Variants in MGAT5B observed in about 807,000 individuals in gnomAD.
The protein encoded by MGAT5B is N-acetylglucosaminyl-transferase Vb.
Under a neutral mutation model 95.1 loss-of-function variants are expected in MGAT5B, and 54 were observed. That is an observed-to-expected ratio of 0.57 (90% confidence interval 0.46 to 0.71). The LOEUF (loss-of-function observed/expected upper bound fraction) is 0.71. Ranked by LOEUF, MGAT5B falls within the 30% of genes least tolerant of loss-of-function variation. The pLI, the probability that MGAT5B is intolerant of heterozygous loss-of-function variation, is 0.00. For synonymous variants in MGAT5B, 464 were observed against 451.0 expected, an observed-to-expected ratio of 1.03 and a Z score of -0.36; for missense variants, 935 against 1,088.6, an observed-to-expected ratio of 0.86 and a Z score of 1.99.
chr17:76,927,486 C>G (rs1969349807), intron 10 of MGAT5B, among the ~76,000 whole-genome samples: 1 of 152,188 alleles, frequency 6.6e-6, no homozygotes, highest in African/African-American at 2.4e-5. Context: ...GCGATCCACC[C>G]ACGTAGGCCT....
At chr17:76,936,692 G>A (rs759730967) in intron 12 of MGAT5B, among the ~76,000 whole-genome samples, 3 of 151,862 alleles carry the variant, frequency 2.0e-5, no homozygotes, top group Non-Finnish European at 2.9e-5. Flanking sequence ...ATTTACTGAT[G>A]AAACCATCCT....
chr17:76,915,549 G>A lies in MGAT5B; in HGVS notation c.1025+9362G>A, dbSNP rs990465647. On this transcript the variant is annotated intron_variant, in intron 8 of 17. Transcript: ENST00000569840. The surrounding 1 kb of genome is among the most constrained non-coding windows in gnomAD (Gnocchi z 8.7). ...GGATTCGAACCAAATATGGCAAAAT[G>A]TTAAGGCTTGATGAGGCTGGGAAGT... 2.0e-5 allele frequency among the ~76,000 whole-genome samples: 3 copies of A among 152,160 alleles called. No individual in the cohort carries two copies. Among genetic ancestry groups the A allele is most frequent in the Admixed American group, 6.5e-5 (1 of 15,280 alleles).
intron 8 of MGAT5B, among the ~76,000 whole-genome samples, chr17:76,920,130 C>T (rs568680515): frequency 1.3e-3 from 194 of 152,304 alleles, no homozygotes; most frequent in Non-Finnish European, 2.3e-3. Context: ...CAAACTTCCC[C>T]GTCCTTCCCA....
At chr17:76,893,254 G>C (rs1447895285) in intron 3 of MGAT5B, among the ~76,000 whole-genome samples, 1 of 152,074 alleles carries the variant, frequency 6.6e-6, no homozygotes, top group Non-Finnish European at 1.5e-5. Flanking sequence ...CCTGCGTTTG[G>C]TTCATCTGCG....
chr17:76,900,892 T>C (rs1463865882), intron 3 of MGAT5B, among the ~76,000 whole-genome samples: 1 of 149,998 alleles, frequency 6.7e-6, no homozygotes, highest in Non-Finnish European at 1.5e-5. Context: ...TGTGTGCATG[T>C]GTGTGCATGT....
At chr17:76,882,381 CT>C (rs1967461130) in intron 3 of MGAT5B, 83 bp downstream of exon 3, 1 of 1,464,744 alleles carries the variant, frequency 6.8e-7, no homozygotes. Context: ...CCGTCATCTC[CT>C]TTTGTGAATC....
rs959782964 is a variant in MGAT5B at position 76,949,146 on chromosome 17, C to T, written c.*308C>T. ...CCCAGGAGCAGGTGGTCGGAGGCCC[C>T]TGGCTTTGTGCAAGGCCGGATCTGG... On this transcript the variant is annotated 3_prime_UTR_variant, in exon 18 of 18. Transcript: ENST00000569840. The T allele has an allele frequency of 7.7e-6, 3 of 391,654 alleles. No homozygotes were observed. The highest frequency in any genetic ancestry group is 1.4e-5 in the Non-Finnish European group (3 of 215,510). 24.3% of individuals were successfully genotyped at this position (391,654 alleles called of 1,614,324 possible).
intron 15 of MGAT5B, among the ~76,000 whole-genome samples, chr17:76,945,943 G>A: frequency 6.6e-6 from 1 of 152,130 alleles, no homozygotes; most frequent in Admixed American, 6.5e-5. Context: ...GGGAAGTCTG[G>A]GGTGCTGGGA....
chr17:76,926,793 C>T (rs1405908931), intron 10 of MGAT5B, 63 bp downstream of exon 10: 9 of 1,574,508 alleles, frequency 5.7e-6, no homozygotes, highest in South Asian at 2.3e-5. Context: ...AGAGGTGACA[C>T]GAGAGGCGGC....
At chr17:76,881,343 A>G (rs972441389) in intron 2 of MGAT5B, among the ~76,000 whole-genome samples, 2 of 152,178 alleles carry the variant, frequency 1.3e-5, no homozygotes, top group Admixed American at 1.3e-4. Context: ...CCTCAGCCCC[A>G]GGGAACCTGC....
intron 10 of MGAT5B, among the ~76,000 whole-genome samples, chr17:76,931,974 A>G (rs1331700472): frequency 6.6e-6 from 1 of 151,850 alleles, no homozygotes; most frequent in Non-Finnish European, 1.5e-5. Context: ...ATGACCTCTT[A>G]GGCTGCTGCT....
chr17:76,928,075 T>C (rs1213973812), intron 10 of MGAT5B, among the ~76,000 whole-genome samples: 1 of 152,122 alleles, frequency 6.6e-6, no homozygotes, highest in Non-Finnish European at 1.5e-5. Flanking sequence ...AATGGCATCA[T>C]TGAATCCCAG....
In MGAT5B at chr17:76,912,482, C is replaced by T. The variant is rs913263432; in HGVS notation, c.1025+6295C>T. ...CGACAGAAATGTCTCCCTTGGCTGG[C>T]GAAATGACCTGCGTGGGAGGCGGTG... On this transcript the variant is annotated intron_variant, in intron 8 of 17. Coordinates refer to ENST00000569840, the MANE Select transcript of MGAT5B (RefSeq NM_001199172.2). The surrounding 1 kb of genome is among the most constrained non-coding windows in gnomAD (Gnocchi z 5.0). 2.6e-5 allele frequency among the ~76,000 whole-genome samples: 4 copies of T among 152,108 alleles called. No individual in the cohort carries two copies. The highest frequency in any genetic ancestry group is 1.9e-4 in the East Asian group (1 of 5,196).
At chr17:76,913,637 G>C (rs368566606) in intron 8 of MGAT5B, 5 of 493,968 alleles carry the variant, frequency 1.0e-5, no homozygotes, top group Non-Finnish European at 2.0e-5. Flanking sequence ...GCACAGACTT[G>C]GGAAATATCA....
intron 3 of MGAT5B, among the ~76,000 whole-genome samples, chr17:76,894,379 T>G (rs1467487714): frequency 6.6e-6 from 1 of 152,222 alleles, no homozygotes; most frequent in Admixed American, 6.5e-5. Context: ...GGGACCAGGA[T>G]GTTGCCATGG....
At chr17:76,911,956 C>T (rs1207787840) in intron 8 of MGAT5B, among the ~76,000 whole-genome samples, 4 of 152,166 alleles carry the variant, frequency 2.6e-5, no homozygotes, top group East Asian at 1.9e-4. Context: ...GAGTCTCTGC[C>T]TCAGGCCTCT....
chr17:76,902,500 A>G, intron 3 of MGAT5B, 55 bp from the exon 4 acceptor site: 1 of 1,366,368 alleles, frequency 7.3e-7, no homozygotes, highest in Non-Finnish European at 1.0e-6. Context: ...CAGGACCCTC[A>G]TGGGAAGGTC....
chr17:76,936,013 C>T (rs1460336905), intron 12 of MGAT5B, among the ~76,000 whole-genome samples: 2 of 148,188 alleles, frequency 1.3e-5, no homozygotes, highest in African/African-American at 5.0e-5. Flanking sequence ...GTTGCCCATT[C>T]GGGTCGCAAA....
rs187808974 is a variant in MGAT5B at position 76,911,270 on chromosome 17, C to T, written c.1025+5083C>T. Reference sequence around the variant, plus strand: ...CCCCTCAGCCCAGTACACAGTCTGGCGGTGGGGTTGGGACATTGTAGAATG... The same window carrying T: ...CCCCTCAGCCCAGTACACAGTCTGGTGGTGGGGTTGGGACATTGTAGAATG... On this transcript the variant is annotated intron_variant, in intron 8 of 17. Transcript: ENST00000569840. 1.3e-3 allele frequency among the ~76,000 whole-genome samples: 191 copies of T among 152,280 alleles called. 1 individual carries two copies. Among genetic ancestry groups the T allele is most frequent in the African/African-American group, 4.1e-3 (172 of 41,550 alleles).
Sources: gnomAD v4.1 joint callset for allele counts (sites outside exome capture counted in the v4.1 genomes callset) on GRCh38, gnomAD v4.1.1 for gene constraint, Gnocchi (gnomAD v3.1) non-coding constraint, MANE v1.5 for transcripts, NCBI Gene and HGNC (gene_info 2026-07-23, HGNC 2026-07-21) for gene names.